The following FAM184A variants were observed in gnomAD, a reference collection of about 807,000 sequenced individuals.
The protein encoded by FAM184A is protein FAM184A.
Under a neutral mutation model 143.8 loss-of-function variants are expected in FAM184A, and 99 were observed. That is an observed-to-expected ratio of 0.69 (90% CI 0.58 to 0.81). The LOEUF (loss-of-function observed/expected upper bound fraction) is 0.81, where lower values mean the gene tolerates loss of function less well. Among genes scored for constraint, FAM184A ranks in the 40% least tolerant of loss-of-function variants. FAM184A has a pLI of 0.00. For synonymous variants in FAM184A, 427 were observed against 446.4 expected (o/e 0.96, Z 0.55); for missense variants, 1,217 against 1,310.5 (o/e 0.93, Z 1.10).
intron 1 of FAM184A, among the ~76,000 whole-genome samples, chr6:119,131,473 C>A (rs1360827019): frequency 2.0e-5 from 3 of 151,930 alleles, no homozygotes; most frequent in Non-Finnish European, 2.9e-5. Flanking sequence ...GTATGGAGGG[C>A]ACTCATACTT....
At chr6:118,989,809 T>C (rs1474225820) in intron 9 of FAM184A, among the ~76,000 whole-genome samples, 2 of 108,540 alleles carry the variant, frequency 1.8e-5, no homozygotes, top group African/African-American at 6.8e-5. Context: ...TACATTTATT[T>C]ATTTATTTAT....
chr6:118,968,520 CT>C (rs1783569848), intron 14 of FAM184A, among the ~76,000 whole-genome samples: 1 of 152,186 alleles, frequency 6.6e-6, no homozygotes, highest in Non-Finnish European at 1.5e-5. Flanking sequence ...GCAGAGTTAA[CT>C]CTTAAAGTAT....
chr6:119,041,815 C>A (rs1265278731), intron 1 of FAM184A, among the ~76,000 whole-genome samples: 1 of 152,198 alleles, frequency 6.6e-6, no homozygotes, highest in Non-Finnish European at 1.5e-5. Flanking sequence ...GGCTAAGTGC[C>A]CGGGTTCGTC....
chr6:119,123,550 T>C lies in FAM184A; in HGVS notation c.-202+25528A>G, dbSNP rs530888873. 6.6e-5 allele frequency among the ~76,000 whole-genome samples: 10 copies of C among 152,244 alleles called. No homozygotes were observed. In the East Asian group the frequency reaches 1.9e-3, roughly 29 times the overall value. ...TTCCATTGGCTTTAACTTTTGAAAG[T>C]GTTGAGTTCTGTTAGGCCCTTAGGG... On this transcript the variant is annotated intron_variant, in intron 1 of 16. Transcript: ENST00000352896.
chr6:118,996,761 C>T (rs1353576075), intron 9 of FAM184A, among the ~76,000 whole-genome samples: 1 of 152,060 alleles, frequency 6.6e-6, no homozygotes, highest in South Asian at 2.1e-4. Flanking sequence ...ATCACCCAAG[C>T]TGGAGTGCAG....
intron 5 of FAM184A, 143 bp from the exon 6 acceptor site, chr6:119,011,574 T>A (rs1016515967): frequency 2.3e-5 from 13 of 562,996 alleles, no homozygotes; most frequent in Non-Finnish European, 3.9e-5. Context: ...ATATCTGAAT[T>A]AACAGTGACA....
chr6:119,044,363 A>C (rs1786451063), intron 1 of FAM184A, among the ~76,000 whole-genome samples: 1 of 152,206 alleles, frequency 6.6e-6, no homozygotes, highest in South Asian at 2.1e-4. Flanking sequence ...CACAAGAATC[A>C]CTTGAGACCA....
At chr6:119,015,083 A>T (rs1169382030) in intron 5 of FAM184A, among the ~76,000 whole-genome samples, 1 of 151,716 alleles carries the variant, frequency 6.6e-6, no homozygotes, top group African/African-American at 2.4e-5. Flanking sequence ...AAAGAAAAAG[A>T]AAAGAAAAGC....
intron 1 of FAM184A, among the ~76,000 whole-genome samples, chr6:119,039,683 G>A (rs1393912096): frequency 6.6e-6 from 1 of 152,134 alleles, no homozygotes; most frequent in African/African-American, 2.4e-5. Context: ...GGCTGGACAG[G>A]GCTCTGCCCC....
chr6:119,039,659 C>G (rs1786245290), intron 1 of FAM184A, among the ~76,000 whole-genome samples: 2 of 152,268 alleles, frequency 1.3e-5, no homozygotes, highest in East Asian at 3.9e-4. Context: ...GGTATCATAG[C>G]TAGGCAAGAC....
chr6:119,032,496 A>G (rs1195524504), intron 1 of FAM184A, among the ~76,000 whole-genome samples: 12 of 117,366 alleles, frequency 1.0e-4, no homozygotes, highest in African/African-American at 3.3e-4. Context: ...GGAGGGGGAG[A>G]GGGAGAGGGA....
At chr6:119,113,338 G>A (rs1300228974) in intron 1 of FAM184A, among the ~76,000 whole-genome samples, 1 of 152,158 alleles carries the variant, frequency 6.6e-6, no homozygotes, top group Non-Finnish European at 1.5e-5. Flanking sequence ...GTTTAAATGA[G>A]GCCTGGCTGT....
At chr6:119,140,313 A>G (rs139821189) in intron 1 of FAM184A, among the ~76,000 whole-genome samples, 41 of 152,210 alleles carry the variant, frequency 2.7e-4, no homozygotes, top group Non-Finnish European at 3.4e-4. Flanking sequence ...ATTGTTTGCC[A>G]TTTCCCATGC....
rs529332100 is a variant in FAM184A at position 118,975,083 on chromosome 6, T to C, written c.2709A>G (p.Glu903=). ...GAATTTCTTTCCCCTTAAATTCCAG[T>C]TCTTTGGTTAGGGCACTTATATTCT... ...LHENISALTK[E]LEFKGKEILR... Residue 903 remains glutamate, a synonymous_variant, in exon 13 of 18, where the codon GAA becomes GAG. Coordinates refer to ENST00000338891, the MANE Select transcript of FAM184A (RefSeq NM_024581.6). 12 of 1,613,566 alleles carry C rather than the reference T, an allele frequency of 7.4e-6. No homozygotes were observed. In the African/African-American group the frequency reaches 1.6e-4, roughly 22 times the overall value.
At chr6:119,081,935 T>G (rs1440170959), upstream of FAM184A, among the ~76,000 whole-genome samples, 1 of 152,238 alleles carries the variant, frequency 6.6e-6, no homozygotes, top group African/African-American at 2.4e-5. Context: ...GCTGCCTGTG[T>G]GTTCCTCCAC....
intron 9 of FAM184A, among the ~76,000 whole-genome samples, chr6:119,000,437 C>T (rs1170968713): frequency 2.0e-5 from 3 of 152,092 alleles, no homozygotes; most frequent in Non-Finnish European, 2.9e-5. Context: ...CTAAAAGATA[C>T]AAAATTGACT....
chr6:119,050,996 T>C (rs1426975079), intron 1 of FAM184A, among the ~76,000 whole-genome samples: 1 of 151,216 alleles, frequency 6.6e-6, no homozygotes, highest in Non-Finnish European at 1.5e-5. Flanking sequence ...TACCTGAGAG[T>C]GGAGGGTGGG....
At chr6:118,960,992 CACTT>C (rs1331833854) in intron 17 of FAM184A, 18 of 312,550 alleles carry the variant, frequency 5.8e-5, no homozygotes, top group African/African-American at 9.0e-5. Context: ...TGTCACTAAT[CACTT>C]AGCCTAAAAA....
chr6:119,144,169 T>TA (rs1290705927), intron 1 of FAM184A, among the ~76,000 whole-genome samples: 1 of 21,710 alleles, frequency 4.6e-5, no homozygotes, highest in African/African-American at 2.2e-4. Flanking sequence ...CTACTAAAAA[T>TA]ACAAAAAAAA....
Sources: gnomAD v4.1 joint callset for allele counts (sites outside exome capture counted in the v4.1 genomes callset) on GRCh38, gnomAD v4.1.1 for gene constraint, MANE v1.5 for transcripts, NCBI Gene and HGNC (gene_info 2026-07-23, HGNC 2026-07-21) for gene names.